The following ADK variants were observed in gnomAD, a reference collection of about 807,000 sequenced individuals.
ADK encodes N6,N6-dimethyladenosine kinase.
ADK carries 24 observed loss-of-function variants against 44.7 expected under a neutral mutation model. The ratio of observed to expected loss-of-function variants is 0.54; its 90% CI spans 0.39 to 0.76. ADK has a LOEUF of 0.76. Ranked by LOEUF, ADK falls within the 30% of genes least tolerant of loss-of-function variation. The pLI is 0.00. For synonymous variants in ADK, 128 were observed against 142.6 expected (o/e 0.90, Z 0.73); for missense variants, 321 against 425.1 (o/e 0.76, Z 2.15).
chr10:74,693,841 A>G (rs546308187), intron 10 of ADK, among the ~76,000 whole-genome samples: 1 of 152,232 alleles, frequency 6.6e-6, no homozygotes, highest in Non-Finnish European at 1.5e-5. Flanking sequence ...TATTCTACTT[A>G]TACTGATACT....
chr10:74,503,246 G>A (rs1017434822), intron 6 of ADK, among the ~76,000 whole-genome samples: 36 of 152,154 alleles, frequency 2.4e-4, no homozygotes, highest in Non-Finnish European at 5.9e-5. Flanking sequence ...AGAAAAGGAA[G>A]AGCAGATTCT....
chr10:74,405,464 C>CT (rs1032465698), intron 6 of ADK, among the ~76,000 whole-genome samples: 215 of 147,734 alleles, frequency 1.5e-3, no homozygotes, highest in African/African-American at 3.6e-3. Context: ...CTTTCCCATT[C>CT]TTTTTTTTTA....
chr10:74,476,724 A>C (rs1281732506), intron 6 of ADK, among the ~76,000 whole-genome samples: 1 of 152,186 alleles, frequency 6.6e-6, no homozygotes, highest in Non-Finnish European at 1.5e-5. Context: ...GGGTTCCCTT[A>C]ACATCCTAAT....
At chr10:74,314,838 G>A in intron 4 of ADK, 93 bp downstream of exon 4, 1 of 958,120 alleles carries the variant, frequency 1.0e-6, no homozygotes, top group South Asian at 1.4e-5. Flanking sequence ...TTGTGTTGCT[G>A]TAGAATAGTT....
Position 74,154,553 on chromosome 10 carries a change from G to A in ADK, c.65+3210G>A, listed in dbSNP as rs376324504. Among the ~76,000 whole-genome samples the A allele has an allele frequency of 2.4e-3, 362 of 152,270 alleles. 1 individual carries two copies. The highest frequency in any genetic ancestry group is 7.7e-3 in the African/African-American group (319 of 41,548). On this transcript the variant is annotated intron_variant, in intron 1 of 10. Coordinates refer to ENST00000539909, the MANE Select transcript of ADK (RefSeq NM_006721.4). ...CAAAGTGTTGGGATTACAGGTGTGAGCCACCGTGCCCTGCCTTCCCAGACC... is the reference window on the plus strand; with the variant it reads ...CAAAGTGTTGGGATTACAGGTGTGAACCACCGTGCCCTGCCTTCCCAGACC...
At chr10:74,477,450 T>G (rs1846896531) in intron 6 of ADK, among the ~76,000 whole-genome samples, 1 of 152,252 alleles carries the variant, frequency 6.6e-6, no homozygotes, top group South Asian at 2.1e-4. Flanking sequence ...TCACGTGATC[T>G]ACCTGCCTTA....
chr10:74,169,836 G>T (rs1011695945), intron 1 of ADK, among the ~76,000 whole-genome samples: 25 of 152,250 alleles, frequency 1.6e-4, no homozygotes, highest in South Asian at 1.0e-3. Context: ...TGAGATACAA[G>T]TATGCACAAG....
intron 7 of ADK, among the ~76,000 whole-genome samples, chr10:74,529,546 T>A (rs73274140): frequency 0.03 from 4,561 of 152,240 alleles, 197 homozygotes; most frequent in African/African-American, 0.092. Context: ...TTTGAAAAAG[T>A]TTTATTCTAC....
At chr10:74,310,898 C>G (rs1481948220) in intron 3 of ADK, among the ~76,000 whole-genome samples, 1 of 151,928 alleles carries the variant, frequency 6.6e-6, no homozygotes, top group Non-Finnish European at 1.5e-5. Flanking sequence ...CTTTCCCTGC[C>G]TTTTTCATTC....
chr10:74,347,032 G>A (rs955752367), intron 4 of ADK, among the ~76,000 whole-genome samples: 23 of 147,600 alleles, frequency 1.6e-4, no homozygotes, highest in Admixed American at 4.8e-4. Context: ...GTGTGAACCC[G>A]GGAGGTGGAG....
chr10:74,350,400 GAC>G (rs1286303899), intron 4 of ADK, among the ~76,000 whole-genome samples: 1 of 152,086 alleles, frequency 6.6e-6, no homozygotes, highest in Non-Finnish European at 1.5e-5. Context: ...CAAAATCTAG[GAC>G]ACACCAAAAG....
At chr10:74,590,579 C>T (rs1469083735) in intron 8 of ADK, among the ~76,000 whole-genome samples, 1 of 152,060 alleles carries the variant, frequency 6.6e-6, no homozygotes, top group Non-Finnish European at 1.5e-5. Flanking sequence ...AGTAGGGAAA[C>T]TTGCTTCTTT....
At chr10:74,422,757 C>T (rs1473814031) in intron 6 of ADK, among the ~76,000 whole-genome samples, 2 of 152,204 alleles carry the variant, frequency 1.3e-5, no homozygotes, top group South Asian at 2.1e-4. Context: ...CCCACTCCCC[C>T]TTTACCTACC....
intron 7 of ADK, chr10:74,551,552 C>T (rs1361498763): frequency 6.6e-6 from 1 of 152,130 alleles, no homozygotes; most frequent in Non-Finnish European, 1.5e-5. Flanking sequence ...GACCTTTCCC[C>T]AGAAGACATT....
intron 3 of ADK, among the ~76,000 whole-genome samples, chr10:74,277,760 GT>G (rs1370225842): frequency 2.0e-5 from 3 of 152,004 alleles, no homozygotes; most frequent in Admixed American, 1.3e-4. Flanking sequence ...AGAAATACGG[GT>G]TTTTAAAAAG....
At chr10:74,465,296 G>A (rs1392878105) in intron 6 of ADK, among the ~76,000 whole-genome samples, 30 of 152,154 alleles carry the variant, frequency 2.0e-4, no homozygotes, top group Admixed American at 2.0e-3. Flanking sequence ...ATAGCCAGGA[G>A]ATTAATATGG....
intron 4 of ADK, chr10:74,371,548 T>C: frequency 4.4e-6 from 5 of 1,143,232 alleles, no homozygotes; most frequent in Middle Eastern, 5.0e-4. Flanking sequence ...TCTGGAGCCC[T>C]TGATGTCCTG....
intron 8 of ADK, 106 bp downstream of exon 8, chr10:74,589,423 C>A: frequency 8.4e-7 from 1 of 1,189,338 alleles, no homozygotes; most frequent in Non-Finnish European, 1.2e-6. Context: ...CTCTCAGAGC[C>A]TCGCAGCAGT....
At chr10:74,694,227 A>G (rs1856094796) in intron 10 of ADK, among the ~76,000 whole-genome samples, 1 of 139,356 alleles carries the variant, frequency 7.2e-6, no homozygotes, top group Admixed American at 7.8e-5. Context: ...CTAAAGACTA[A>G]AAATGGAAGG....
Sources: gnomAD v4.1 joint callset for allele counts (sites outside exome capture counted in the v4.1 genomes callset) on GRCh38, gnomAD v4.1.1 for gene constraint, MANE v1.5 for transcripts, NCBI Gene and HGNC (gene_info 2026-07-23, HGNC 2026-07-21) for gene names.